Variants in MGMT observed in about 807,000 individuals in gnomAD.
MGMT encodes the protein O-6-methylguanine-DNA methyltransferase.
In MGMT, 14 loss-of-function variants were observed where a neutral mutation model predicts 15.9. That is an observed-to-expected ratio of 0.88 (90% CI 0.58 to 1.37). The LOEUF is 1.37. Among genes scored for constraint, MGMT ranks in the 40% most tolerant of loss-of-function variants. The probability of loss-of-function intolerance (pLI) is 0.00; values close to 1 mark genes in which losing one functional copy is unlikely to be tolerated. For missense variants in MGMT, 282 were observed against 268.1 expected, an observed-to-expected ratio of 1.05 and a Z score of -0.36; for synonymous variants, 130 against 118.2, an observed-to-expected ratio of 1.10 and a Z score of -0.65.
intron 2 of MGMT, among the ~76,000 whole-genome samples, chr10:129,646,065 G>T (rs749763691): frequency 6.6e-6 from 1 of 152,070 alleles, no homozygotes; most frequent in Non-Finnish European, 1.5e-5. Context: ...CAACATGCAT[G>T]ATCCCGGTAT....
chr10:129,485,486 A>G lies in MGMT; in HGVS notation c.-13+18190A>G, dbSNP rs539626741. 3.9e-5 allele frequency among the ~76,000 whole-genome samples: 6 copies of G among 152,308 alleles called. No homozygotes were observed. In the East Asian group the frequency reaches 1.2e-3, roughly 29 times the overall value. On this transcript the variant is annotated intron_variant, in intron 1 of 4. Transcript: ENST00000651593. ...CTTGTTCTGAAGACCATTGTTTTAT[A>G]TAAAAGTTGAGCACCCCTAATTCAA...
At chr10:129,519,419 ATAAAATTT>A (rs530012178) in intron 1 of MGMT, among the ~76,000 whole-genome samples, 111 of 152,386 alleles carry the variant, frequency 7.3e-4, no homozygotes, top group African/African-American at 2.5e-3. Flanking sequence ...AATTTAGAAC[ATAAAATTT>A]CCTGCCTTGT....
At chr10:129,615,440 T>C (rs1165081915) in intron 2 of MGMT, among the ~76,000 whole-genome samples, 1 of 152,114 alleles carries the variant, frequency 6.6e-6, no homozygotes, top group Non-Finnish European at 1.5e-5. Context: ...TTAAAGTGGA[T>C]CTTCTGCAGA....
At chr10:129,687,398 G>A (rs1236733509) in intron 2 of MGMT, among the ~76,000 whole-genome samples, 1 of 152,134 alleles carries the variant, frequency 6.6e-6, no homozygotes, top group Non-Finnish European at 1.5e-5. Flanking sequence ...GACGCCAAGG[G>A]TATCACTGGA....
At chr10:129,634,025 C>G (rs1847239259) in intron 2 of MGMT, among the ~76,000 whole-genome samples, 1 of 152,204 alleles carries the variant, frequency 6.6e-6, no homozygotes, top group Non-Finnish European at 1.5e-5. Context: ...TTTCTCATTG[C>G]ACTGGTCTAC....
chr10:129,478,931 T>C (rs1319915275), intron 1 of MGMT, among the ~76,000 whole-genome samples: 1 of 152,158 alleles, frequency 6.6e-6, no homozygotes, highest in African/African-American at 2.4e-5. Flanking sequence ...TCTCTAAGAA[T>C]ATGATTAACC....
At chr10:129,473,568 C>T (rs1479109171) in intron 1 of MGMT, among the ~76,000 whole-genome samples, 2 of 152,180 alleles carry the variant, frequency 1.3e-5, no homozygotes, top group African/African-American at 2.4e-5. Context: ...TAACCAAGTG[C>T]AGGCTCATAA....
intron 1 of MGMT, among the ~76,000 whole-genome samples, chr10:129,480,687 G>GCCC (rs1355751628): frequency 2.0e-5 from 3 of 152,122 alleles, no homozygotes; most frequent in African/African-American, 7.2e-5. Flanking sequence ...AGACCAGCCT[G>GCCC]GGCAATATAG....
chr10:129,538,245 A>C (rs1038813789), intron 2 of MGMT, among the ~76,000 whole-genome samples: 10 of 152,250 alleles, frequency 6.6e-5, no homozygotes, highest in African/African-American at 2.2e-4. Flanking sequence ...GAAGATATAG[A>C]ACATTCAAGA....
intron 2 of MGMT, among the ~76,000 whole-genome samples, chr10:129,585,383 C>G (rs533722820): frequency 3.1e-4 from 47 of 152,246 alleles, no homozygotes; most frequent in Non-Finnish European, 5.4e-4. Context: ...GTAGTTCCCC[C>G]TTAGTCATGG....
At chr10:129,602,305 C>T (rs1487514040) in intron 2 of MGMT, among the ~76,000 whole-genome samples, 2 of 152,022 alleles carry the variant, frequency 1.3e-5, no homozygotes, top group African/African-American at 2.4e-5. Flanking sequence ...AAGGAACGCG[C>T]TTCCTGAAAT....
intron 2 of MGMT, among the ~76,000 whole-genome samples, chr10:129,626,883 G>A (rs548243264): frequency 6.6e-6 from 1 of 152,240 alleles, no homozygotes; most frequent in African/African-American, 2.4e-5. Flanking sequence ...GTAAGGAGAT[G>A]CAGGGAAGGC....
At chr10:129,496,001 A>C (rs1589835547) in intron 1 of MGMT, among the ~76,000 whole-genome samples, 1 of 152,276 alleles carries the variant, frequency 6.6e-6, no homozygotes, top group South Asian at 2.1e-4. Context: ...GCGGCTGGGG[A>C]CTGGCACTCG....
At chr10:129,745,411 C>T (rs1230710689) in intron 3 of MGMT, among the ~76,000 whole-genome samples, 1 of 152,104 alleles carries the variant, frequency 6.6e-6, no homozygotes, top group Non-Finnish European at 1.5e-5. Context: ...CTCCCCACCC[C>T]CATTCCAGCT....
At chr10:129,627,401 T>C (rs1847161771) in intron 2 of MGMT, among the ~76,000 whole-genome samples, 1 of 141,284 alleles carries the variant, frequency 7.1e-6, no homozygotes, top group African/African-American at 2.5e-5. Flanking sequence ...CTTCCCTGCT[T>C]CCCTCCTCTA....
intron 2 of MGMT, among the ~76,000 whole-genome samples, chr10:129,582,500 G>A (rs1047852094): frequency 3.3e-5 from 5 of 151,836 alleles, no homozygotes; most frequent in African/African-American, 4.8e-5. Flanking sequence ...TTTGTTCTCC[G>A]TACAACGTCT....
At chr10:129,534,136 T>C (rs1294561937) in intron 1 of MGMT, among the ~76,000 whole-genome samples, 2 of 151,892 alleles carry the variant, frequency 1.3e-5, no homozygotes, top group Non-Finnish European at 2.9e-5. Flanking sequence ...GCACCAAGAG[T>C]GATTTTCTCA....
chr10:129,489,734 A>T (rs1410292284), intron 1 of MGMT, among the ~76,000 whole-genome samples: 1 of 152,190 alleles, frequency 6.6e-6, no homozygotes, highest in Non-Finnish European at 1.5e-5. Context: ...CATTAATATT[A>T]TAAATGGTAT....
At chr10:129,512,362 T>TATGCTCATTTA (rs1281871794) in intron 1 of MGMT, among the ~76,000 whole-genome samples, 56 of 152,296 alleles carry the variant, frequency 3.7e-4, no homozygotes, top group South Asian at 6.2e-4. Context: ...GTTTATTCTG[T>TATGCTCATTTA]TACACGTTAA....
Sources: allele counts gnomAD v4.1 joint callset (sites outside exome capture counted in the v4.1 genomes callset), GRCh38; gene constraint gnomAD v4.1.1; transcripts MANE v1.5; gene names NCBI Gene and HGNC (gene_info 2026-07-23, HGNC 2026-07-21).